SLC39A11: variants seen among roughly 807,000 people sequenced by gnomAD.
SLC39A11 encodes zinc transporter ZIP11.
A neutral mutation model predicts 36.1 loss-of-function variants in SLC39A11; 33 were observed. The observed-to-expected ratio is 0.91, with a 90% confidence interval of 0.69 to 1.22. The LOEUF is 1.22. Ranked by LOEUF, SLC39A11 falls within the 50% of genes most tolerant of loss-of-function variation. The pLI, the probability that SLC39A11 is intolerant of heterozygous loss-of-function variation, is 0.00. For missense variants in SLC39A11, 432 were observed against 430.3 expected (o/e 1.00, Z -0.03); for synonymous variants, 166 against 170.3 (o/e 0.97, Z 0.20).
At chr17:73,011,362 G>GACTCTGGGAAGC (rs1468348294) in intron 4 of SLC39A11, among the ~76,000 whole-genome samples, 1 of 152,190 alleles carries the variant, frequency 6.6e-6, no homozygotes, top group Non-Finnish European at 1.5e-5. Flanking sequence ...AGATCAGAAG[G>GACTCTGGGAAGC]ACTCTGGGAA....
chr17:72,980,563 C>G (rs1206651884), intron 4 of SLC39A11, among the ~76,000 whole-genome samples: 1 of 152,110 alleles, frequency 6.6e-6, no homozygotes, highest in African/African-American at 2.4e-5. Flanking sequence ...TGCTAAAGTT[C>G]ACATGGGAAA....
intron 4 of SLC39A11, among the ~76,000 whole-genome samples, chr17:73,030,854 G>A (rs2058715673): frequency 6.6e-6 from 1 of 152,186 alleles, no homozygotes; most frequent in Non-Finnish European, 1.5e-5. Context: ...ACAGCCACAT[G>A]CCAGGCTGCG....
chr17:72,732,249 G>A (rs1024039591), intron 7 of SLC39A11, among the ~76,000 whole-genome samples: 5 of 151,554 alleles, frequency 3.3e-5, no homozygotes, highest in East Asian at 1.9e-4. Flanking sequence ...TCCCGACCTC[G>A]AGGGATCCGC....
chr17:73,061,223 G>A (rs1047304050), intron 3 of SLC39A11, among the ~76,000 whole-genome samples: 15 of 152,094 alleles, frequency 9.9e-5, no homozygotes, highest in Admixed American at 9.2e-4. Flanking sequence ...AGCCGGGAGT[G>A]GTAGCAGGTA....
At chr17:72,847,672 T>C (rs1273989638) in intron 6 of SLC39A11, among the ~76,000 whole-genome samples, 2 of 152,122 alleles carry the variant, frequency 1.3e-5, no homozygotes, top group East Asian at 3.9e-4. Flanking sequence ...GAATATATAA[T>C]ATGTATTAGA....
chr17:72,857,361 A>G (rs1227101043), intron 5 of SLC39A11, among the ~76,000 whole-genome samples: 1 of 151,986 alleles, frequency 6.6e-6, no homozygotes, highest in Admixed American at 6.6e-5. Flanking sequence ...TATGTACCAT[A>G]TTTTCTTTAT....
chr17:72,674,520 G>C (rs2071167730), intron 7 of SLC39A11, among the ~76,000 whole-genome samples: 1 of 152,180 alleles, frequency 6.6e-6, no homozygotes, highest in Admixed American at 6.5e-5. Flanking sequence ...TGTCTACGTA[G>C]TTTCATATTC....
chr17:72,762,753 A>C, intron 6 of SLC39A11, among the ~76,000 whole-genome samples: 1 of 151,932 alleles, frequency 6.6e-6, no homozygotes, highest in Admixed American at 6.6e-5. Context: ...TACCTCCTTA[A>C]CCTTGTTTCC....
chr17:72,827,315 G>A (rs1302948433), intron 6 of SLC39A11, among the ~76,000 whole-genome samples: 1 of 152,224 alleles, frequency 6.6e-6, no homozygotes, highest in Non-Finnish European at 1.5e-5. Context: ...AAGTAGATGA[G>A]TGGTTGCCTA....
At chr17:72,880,842 C>T (rs983967449) in intron 5 of SLC39A11, among the ~76,000 whole-genome samples, 6 of 150,532 alleles carry the variant, frequency 4.0e-5, no homozygotes, top group South Asian at 2.1e-4. Flanking sequence ...CCACCACGCC[C>T]GGCTAATCTT....
At position 73,026,480 on chromosome 17, in the gene SLC39A11, T is replaced by C. The variant is rs570525703; in HGVS notation, c.306+5076A>G. 1.4e-3 allele frequency among the ~76,000 whole-genome samples: 200 copies of C among 144,642 alleles called. 1 individual carries two copies. The highest frequency in any genetic ancestry group is 4.8e-3 in the African/African-American group (186 of 38,590). The allele number at this position is 144,642 out of a possible 152,430, so 94.9% of individuals were successfully genotyped here. A position where few individuals can be genotyped will look rare whatever the true frequency, so the allele number is the denominator to read the frequency against. ...GTTGCAGTGAGCCAGGATCGCACCA[T>C]TGTACTCCAGCCTGGGCAACAAGAG... On this transcript the variant is annotated intron_variant, in intron 4 of 9. Coordinates refer to ENST00000255559, the MANE Select transcript of SLC39A11 (RefSeq NM_139177.4).
intron 4 of SLC39A11, among the ~76,000 whole-genome samples, chr17:73,004,211 GAAA>G (rs2090033417): frequency 4.7e-5 from 6 of 127,032 alleles, no homozygotes; most frequent in East Asian, 2.7e-4. Context: ...AAGAAAGAAA[GAAA>G]GAAAGAAAGA....
chr17:72,854,690 A>G (rs2146097716), intron 5 of SLC39A11, among the ~76,000 whole-genome samples: 1 of 152,294 alleles, frequency 6.6e-6, no homozygotes, highest in East Asian at 1.9e-4. Flanking sequence ...TTAACTTATA[A>G]TTGAGCATCT....
intron 3 of SLC39A11, among the ~76,000 whole-genome samples, chr17:73,038,526 C>T (rs1164443878): frequency 1.4e-5 from 2 of 142,514 alleles, no homozygotes; most frequent in East Asian, 2.1e-4. Context: ...TGGTGAAACG[C>T]TTTCTCTACT....
intron 3 of SLC39A11, among the ~76,000 whole-genome samples, chr17:73,061,781 G>C (rs2059847237): frequency 6.6e-6 from 1 of 152,120 alleles, no homozygotes. Context: ...AATTGCTTCT[G>C]CTCAGGAGTT....
intron 5 of SLC39A11, among the ~76,000 whole-genome samples, chr17:72,932,489 T>A (rs2084477532): frequency 1.4e-5 from 2 of 146,162 alleles, no homozygotes; most frequent in South Asian, 4.7e-4. Flanking sequence ...CCCCTCCCTG[T>A]TTCTATGAAA....
intron 3 of SLC39A11, among the ~76,000 whole-genome samples, chr17:73,044,285 A>G (rs1048535117): frequency 2.4e-4 from 36 of 152,346 alleles, no homozygotes; most frequent in African/African-American, 7.7e-4. Flanking sequence ...CCCAAACTGG[A>G]AATAACCCAA....
intron 4 of SLC39A11, among the ~76,000 whole-genome samples, chr17:72,999,464 A>C (rs1398770883): frequency 2.6e-5 from 4 of 152,176 alleles, no homozygotes; most frequent in African/African-American, 9.7e-5. Context: ...CCAGGCTGCT[A>C]ATCATTAGCC....
intron 6 of SLC39A11, among the ~76,000 whole-genome samples, chr17:72,773,644 T>TACACAC (rs550889404): frequency 0.012 from 911 of 78,832 alleles, 5 homozygotes; most frequent in Non-Finnish European, 0.013. Flanking sequence ...GAGACCATCT[T>TACACAC]ACACACACAC....
Sources: gnomAD v4.1 joint callset for allele counts (sites outside exome capture counted in the v4.1 genomes callset) on GRCh38, gnomAD v4.1.1 for gene constraint, MANE v1.5 for transcripts, NCBI Gene and HGNC (gene_info 2026-07-23, HGNC 2026-07-21) for gene names.